NFASC: variants seen among roughly 807,000 people sequenced by gnomAD.
The protein encoded by NFASC is neurofascin.
A neutral mutation model predicts 147.5 loss-of-function variants in NFASC; 43 were observed. The observed-to-expected ratio is 0.29, with a 90% CI of 0.23 to 0.38. The LOEUF is 0.38. NFASC is among the 10% of genes least tolerant of loss of function. NFASC has a pLI of 1.00. For missense variants in NFASC, 1,320 were observed against 1,689.0 expected, an observed-to-expected ratio of 0.78 and a Z score of 3.83; for synonymous variants, 622 against 665.5, an observed-to-expected ratio of 0.93 and a Z score of 1.01.
chr1:204,960,621 C>T (rs765875110), intron 8 of NFASC, among the ~76,000 whole-genome samples: 4 of 152,222 alleles, frequency 2.6e-5, no homozygotes, highest in African/African-American at 7.2e-5. Context: ...AGATAGGTTA[C>T]ATTTCACCTG....
chr1:204,952,412 C>T (rs908481096), intron 5 of NFASC, among the ~76,000 whole-genome samples: 1 of 152,112 alleles, frequency 6.6e-6, no homozygotes, highest in Non-Finnish European at 1.5e-5. Flanking sequence ...ATCTGCCCCA[C>T]GTTTAGCTTA....
At chr1:204,931,934 C>T (rs942102019) in intron 2 of NFASC, among the ~76,000 whole-genome samples, 1 of 152,134 alleles carries the variant, frequency 6.6e-6, no homozygotes, top group South Asian at 2.1e-4. Context: ...ATCATGATCT[C>T]CCCTTTTCTC....
intron 1 of NFASC, among the ~76,000 whole-genome samples, chr1:204,904,618 T>G (rs1415564451): frequency 6.6e-6 from 1 of 152,234 alleles, no homozygotes; most frequent in East Asian, 1.9e-4. Flanking sequence ...CATTCACATT[T>G]CTTATCTATC....
intron 1 of NFASC, among the ~76,000 whole-genome samples, chr1:204,901,388 G>A (rs1172092049): frequency 6.6e-6 from 1 of 152,176 alleles, no homozygotes; most frequent in East Asian, 1.9e-4. Flanking sequence ...TGAGAAAGGA[G>A]GAAACCCGGG....
intron 24 of NFASC, among the ~76,000 whole-genome samples, chr1:204,994,332 GC>G (rs1376917561): frequency 6.6e-6 from 1 of 152,214 alleles, no homozygotes; most frequent in African/African-American, 2.4e-5. Context: ...CATCTTCAGA[GC>G]CATCTCTCAT....
intron 8 of NFASC, among the ~76,000 whole-genome samples, chr1:204,964,324 A>G (rs2094834895): frequency 6.6e-6 from 1 of 152,256 alleles, no homozygotes; most frequent in Admixed American, 6.5e-5. Flanking sequence ...CTGGTTTTAA[A>G]GGGAATGGTT....
chr1:205,007,044 G>A (rs181123314), intron 27 of NFASC, among the ~76,000 whole-genome samples: 12 of 152,036 alleles, frequency 7.9e-5, no homozygotes, highest in Non-Finnish European at 1.6e-4. Context: ...CAGCTTGCTG[G>A]GGGTACAGAA....
intron 2 of NFASC, among the ~76,000 whole-genome samples, chr1:204,926,694 G>C (rs974924764): frequency 6.6e-6 from 1 of 151,264 alleles, no homozygotes; most frequent in South Asian, 2.1e-4. Context: ...GATTACAGGC[G>C]TGAGCCACAG....
In NFASC at chr1:205,014,707, C is replaced by T. The variant is rs1453151484; in HGVS notation, c.3492-1601C>T. Among the ~76,000 whole-genome samples, 4 of 152,192 alleles carry T rather than the reference C, an allele frequency of 2.6e-5. No individual in the cohort carries two copies. The South Asian group carries it at 6.2e-4, about 24-fold the overall frequency. ...CAGCCTGGCATGCTACAGATCTCTT[C>T]CCCCGCCCCTTCCACTGGCTGGGCT... On this transcript the variant is annotated intron_variant, in intron 29 of 29. Transcript: ENST00000339876.
chr1:204,951,150 A>AT (rs35794512), intron 4 of NFASC, among the ~76,000 whole-genome samples: 4,644 of 133,262 alleles, frequency 0.035, 170 homozygotes, highest in African/African-American at 0.079. Context: ...ATGCTATGGG[A>AT]TTTTTTTTTT....
rs189802161 is a variant in NFASC at position 205,003,293 on chromosome 1, G to T, written c.3289+545G>T. On this transcript the variant is annotated intron_variant, in intron 27 of 29. Coordinates refer to ENST00000339876, the MANE Select transcript of NFASC (RefSeq NM_001005388.3). ...GGGGCTTTGTTTTTGTCCCAAATTT[G>T]TCTTGGCCTAAAAGTAGGTGATTTT... 3.9e-5 allele frequency among the ~76,000 whole-genome samples: 6 copies of T among 152,326 alleles called. No individual in the cohort carries two copies. The East Asian group carries it at 1.2e-3, about 29-fold the overall frequency.
chr1:204,954,504 T>C lies in NFASC; in HGVS notation c.412+120T>C. Reference sequence around the variant, plus strand: ...TTGGCCTGCAGTTGCCTTGGTGTTCTCTATGCATCTTCCCCACCTCAGAAT... The same window carrying C: ...TTGGCCTGCAGTTGCCTTGGTGTTCCCTATGCATCTTCCCCACCTCAGAAT... On this transcript the variant is annotated intron_variant, in intron 6 of 29. Transcript: ENST00000339876. The surrounding 1 kb of genome is among the most constrained non-coding windows in gnomAD (Gnocchi z 5.7). 1.2e-6 allele frequency: 1 copy of C among 861,434 alleles called. No individual in the cohort carries two copies. Among genetic ancestry groups the C allele is most frequent in the South Asian group, 1.7e-5 (1 of 57,420 alleles). 53.4% of individuals were successfully genotyped at this position (861,434 alleles called of 1,614,324 possible).
intron 2 of NFASC, among the ~76,000 whole-genome samples, chr1:204,939,134 T>C (rs913655580): frequency 3.3e-5 from 5 of 150,042 alleles, no homozygotes; most frequent in Non-Finnish European, 5.9e-5. Flanking sequence ...ATTAATCATG[T>C]TCTCCAGTAC....
In NFASC at chr1:204,974,258, T is replaced by G. The variant is rs1196385443; in HGVS notation, c.1359T>G (p.Pro453=). The change falls in exon 13 of 30, where the codon CCT becomes CCG. Residue 453 remains proline (P), a synonymous_variant. Coordinates refer to ENST00000339876, the MANE Select transcript of NFASC (RefSeq NM_001005388.3). Reference sequence around the variant, plus strand: ...ACAACCGGACGCGGCTGGACTGCCCTTTCTTTGGGTCTCCCATCCCCACAC... The same window carrying G: ...ACAACCGGACGCGGCTGGACTGCCCGTTCTTTGGGTCTCCCATCCCCACAC... ...ILYNRTRLDC[P]FFGSPIPTLR... is the part of the protein sequence containing the mutation. 6.2e-7 allele frequency: 1 copy of G among 1,614,094 alleles called. No individual in the cohort carries two copies. Among genetic ancestry groups the G allele is most frequent in the Admixed American group, 1.7e-5 (1 of 60,030 alleles).
At chr1:204,829,108 T>A (rs1671463904) in intron 1 of NFASC, among the ~76,000 whole-genome samples, 1 of 141,654 alleles carries the variant, frequency 7.1e-6, no homozygotes, top group South Asian at 2.4e-4. Flanking sequence ...CCGTGAGCCC[T>A]GCCTGCCCTT....
At chr1:204,866,111 G>A (rs2102921640) in intron 1 of NFASC, among the ~76,000 whole-genome samples, 1 of 152,300 alleles carries the variant, frequency 6.6e-6, no homozygotes. Context: ...CTTTCTCCTA[G>A]CACTGGGTCT....
At chr1:204,856,434 C>G (rs114271067) in intron 1 of NFASC, among the ~76,000 whole-genome samples, 2 of 132,340 alleles carry the variant, frequency 1.5e-5, no homozygotes, top group Non-Finnish European at 3.3e-5. Flanking sequence ...TGTGAAGAAA[C>G]GTCTGCCAAA....
At position 204,829,562 on chromosome 1, in the gene NFASC, T is replaced by G. The variant is rs1172045404; in HGVS notation, c.-200+780T>G. ...TGCATGTTCGATCCTATTTGTGGCTTGGGGAAGAATGCTGGGGGTTAGTAG... is the reference window on the plus strand; with the variant it reads ...TGCATGTTCGATCCTATTTGTGGCTGGGGGAAGAATGCTGGGGGTTAGTAG... On this transcript the variant is annotated intron_variant, in intron 1 of 29. Coordinates refer to ENST00000339876, the MANE Select transcript of NFASC (RefSeq NM_001005388.3). Among the ~76,000 whole-genome samples the G allele has an allele frequency of 6.6e-5, 10 of 152,130 alleles. No homozygotes were observed. The East Asian group carries it at 1.9e-3, about 29-fold the overall frequency.
intron 21 of NFASC, chr1:204,984,382 C>CATATATATATATATATATATAT (rs55787898): frequency 1.5e-4 from 20 of 134,074 alleles, no homozygotes; most frequent in African/African-American, 5.7e-4. Context: ...TATATATACG[C>CATATATATATATATATATATAT]ATATATATAT....
Sources: gnomAD v4.1 joint callset for allele counts (sites outside exome capture counted in the v4.1 genomes callset) on GRCh38, gnomAD v4.1.1 for gene constraint, Gnocchi (gnomAD v3.1) non-coding constraint, MANE v1.5 for transcripts, NCBI Gene and HGNC (gene_info 2026-07-23, HGNC 2026-07-21) for gene names.